HERC3: variants seen among roughly 807,000 people sequenced by gnomAD.
The protein encoded by HERC3 is probable E3 ubiquitin-protein ligase HERC3.
Under a neutral mutation model 129.9 loss-of-function variants are expected in HERC3, and 58 were observed. The ratio of observed to expected loss-of-function variants is 0.45; its 90% CI spans 0.36 to 0.56. The LOEUF is 0.56. Among genes scored for constraint, HERC3 ranks in the 20% least tolerant of loss-of-function variants. HERC3 has a pLI of 0.00. For synonymous variants in HERC3, 430 were observed against 451.0 expected (o/e 0.95, Z 0.59); for missense variants, 835 against 1,244.2 (o/e 0.67, Z 4.95).
At chr4:88,645,308 A>G (rs888869693) in intron 3 of HERC3, among the ~76,000 whole-genome samples, 2 of 152,194 alleles carry the variant, frequency 1.3e-5, no homozygotes, top group African/African-American at 4.8e-5. Context: ...GTTTCCTACA[A>G]TATGTCTCTG....
the HERC3 span, among the ~76,000 whole-genome samples, chr4:88,554,275 G>A: frequency 1.3e-5 from 2 of 151,360 alleles, no homozygotes; most frequent in Non-Finnish European, 2.9e-5. Context: ...AATCTGGGAG[G>A]TGGAGTTTGC....
rs894327137 is a variant in HERC3, at chr4:88,707,185, G to A, written c.*225G>A. 1.8e-6 allele frequency: 1 copy of A among 540,740 alleles called. No homozygotes were observed. Among genetic ancestry groups the A allele is most frequent in the Non-Finnish European group, 3.3e-6 (1 of 302,732 alleles). The allele number at this position is 540,740 out of a possible 1,614,324, so 33.5% of individuals were successfully genotyped here. The stretch of plus-strand genomic sequence containing the variant: ...TGAAAAATTGGCCCTTGTATGGGAG[G>A]TGTTTTTGTTTTTGTTTTAAACCAA... On this transcript the variant is annotated 3_prime_UTR_variant, in exon 26 of 26. Transcript: ENST00000402738.
chr4:88,549,598 G>A, the HERC3 span, among the ~76,000 whole-genome samples: 2 of 152,056 alleles, frequency 1.3e-5, no homozygotes, highest in Non-Finnish European at 2.9e-5. Context: ...CTTCACTTAC[G>A]ATAATGGCCT....
At chr4:88,697,349 C>G (rs374142688) in intron 23 of HERC3, 3 of 1,613,906 alleles carry the variant, frequency 1.9e-6, no homozygotes, top group Non-Finnish European at 2.5e-6. Flanking sequence ...TCCTCCTCCC[C>G]CTCCAAGGTC....
intron 2 of HERC3, among the ~76,000 whole-genome samples, chr4:88,597,483 A>G (rs1722527170): frequency 6.6e-6 from 1 of 152,216 alleles, no homozygotes; most frequent in Non-Finnish European, 1.5e-5. Flanking sequence ...GTGGGGAGGT[A>G]TCCACATCTT....
At chr4:88,527,738 A>G in the HERC3 span, 1 of 309,072 alleles carries the variant, frequency 3.2e-6, no homozygotes, top group Non-Finnish European at 6.4e-6. Context: ...TCTGTCAAGA[A>G]AAACAGGTGC....
the HERC3 span, among the ~76,000 whole-genome samples, chr4:88,530,695 C>T: frequency 6.6e-6 from 1 of 152,106 alleles, no homozygotes; most frequent in Non-Finnish European, 1.5e-5. Context: ...ATAATGTGGA[C>T]TTGAGTAAAT....
chr4:88,534,900 C>G, the HERC3 span, among the ~76,000 whole-genome samples: 1 of 152,058 alleles, frequency 6.6e-6, no homozygotes, highest in Admixed American at 6.5e-5. Flanking sequence ...AGGAAATGAA[C>G]CTCCAAAAGA....
the HERC3 span, among the ~76,000 whole-genome samples, chr4:88,586,032 G>A: frequency 3.3e-5 from 5 of 152,130 alleles, no homozygotes; most frequent in African/African-American, 9.7e-5. Flanking sequence ...TTAAGAGTCT[G>A]CATTCTATCT....
intron 3 of HERC3, among the ~76,000 whole-genome samples, chr4:88,637,411 G>A (rs373402220): frequency 6.6e-6 from 1 of 151,926 alleles, no homozygotes; most frequent in East Asian, 1.9e-4. Flanking sequence ...GGGCCACAGA[G>A]TGAGACTCTG....
At chr4:88,563,093 G>A in the HERC3 span, among the ~76,000 whole-genome samples, 2 of 152,132 alleles carry the variant, frequency 1.3e-5, no homozygotes, top group Non-Finnish European at 2.9e-5. Flanking sequence ...GCTTTGGGTA[G>A]TATGGACATT....
intron 7 of HERC3, 50 bp from the exon 8 acceptor site, chr4:88,655,124 G>C (rs760230947): frequency 5.0e-6 from 8 of 1,599,434 alleles, no homozygotes; most frequent in Non-Finnish European, 6.8e-6. Context: ...GGGTTTAGAG[G>C]TATACCCTTA....
At chr4:88,558,090 A>G in the HERC3 span, among the ~76,000 whole-genome samples, 20 of 150,042 alleles carry the variant, frequency 1.3e-4, no homozygotes, top group East Asian at 9.8e-4. Context: ...AAAAAAAAAA[A>G]AAAAAGAAAA....
At chr4:88,626,637 T>G (rs1250288117) in intron 3 of HERC3, among the ~76,000 whole-genome samples, 1 of 152,146 alleles carries the variant, frequency 6.6e-6, no homozygotes, top group Admixed American at 6.5e-5. Context: ...CTTTTTCTTC[T>G]TAGGTGAGGT....
chr4:88,656,104 A>G (rs756988628), intron 9 of HERC3, 69 bp downstream of exon 9: 58 of 1,474,428 alleles, frequency 3.9e-5, no homozygotes, highest in Non-Finnish European at 4.8e-5. Context: ...CAGAATATGT[A>G]TCTATTACTT....
chr4:88,704,921 C>T (rs766276899), intron 25 of HERC3, among the ~76,000 whole-genome samples: 3 of 146,174 alleles, frequency 2.1e-5, no homozygotes, highest in Non-Finnish European at 3.0e-5. Context: ...AGTGCAGTGG[C>T]GTGATCTCAG....
intron 10 of HERC3, among the ~76,000 whole-genome samples, chr4:88,661,382 C>T (rs1730474929): frequency 6.6e-6 from 1 of 152,194 alleles, no homozygotes; most frequent in Non-Finnish European, 1.5e-5. Context: ...ATGCTCTACT[C>T]CTTCCTACCA....
chr4:88,628,077 ATGT>A (rs1420448828), intron 3 of HERC3, among the ~76,000 whole-genome samples: 1 of 152,164 alleles, frequency 6.6e-6, no homozygotes, highest in Non-Finnish European at 1.5e-5. Context: ...GGATGATAGT[ATGT>A]TGTTCATGTC....
At chr4:88,580,660 A>T in the HERC3 span, among the ~76,000 whole-genome samples, 2 of 152,208 alleles carry the variant, frequency 1.3e-5, no homozygotes, top group Non-Finnish European at 2.9e-5. Context: ...GGTCTTCAGG[A>T]AGGAGTCATT....
Sources: gnomAD v4.1 joint callset for allele counts (sites outside exome capture counted in the v4.1 genomes callset) on GRCh38, gnomAD v4.1.1 for gene constraint, MANE v1.5 for transcripts, NCBI Gene and HGNC (gene_info 2026-07-23, HGNC 2026-07-21) for gene names.